Variants in CD80 observed in about 807,000 individuals in gnomAD.
CD80 encodes CD80 molecule, also known as T-lymphocyte activation antigen CD80.
Under a neutral mutation model 27.1 loss-of-function variants are expected in CD80, and 13 were observed. The observed-to-expected ratio is 0.48, with a 90% CI of 0.31 to 0.76. The LOEUF (loss-of-function observed/expected upper bound fraction) is 0.76, where lower values mean the gene tolerates loss of function less well. CD80 is among the 30% of genes least tolerant of loss of function. The pLI is 0.04. For missense variants in CD80, 277 were observed against 347.9 expected (o/e 0.80, Z 1.62); for synonymous variants, 125 against 125.5 (o/e 1.00, Z 0.03).
intron 6 of CD80, 177 bp downstream of exon 6, chr3:119,527,556 C>A: frequency 2.0e-6 from 1 of 499,614 alleles, no homozygotes. Context: ...TTACATTAAG[C>A]AAATTGCATA....
chr3:119,538,972 C>T (rs764864020), intron 3 of CD80, among the ~76,000 whole-genome samples: 6 of 152,106 alleles, frequency 3.9e-5, no homozygotes, highest in Non-Finnish European at 4.4e-5. Context: ...CACCCATGAC[C>T]AGTATTTTTT....
chr3:119,527,378 CCCAACCCATGT>C (rs2082072806), intron 6 of CD80: 1 of 177,078 alleles, frequency 5.6e-6, no homozygotes, highest in Non-Finnish European at 1.2e-5. Context: ...ACAAAGTGAC[CCCAACCCATGT>C]CCATCAATAC....
intron 4 of CD80, among the ~76,000 whole-genome samples, chr3:119,533,467 C>A (rs1199914790): frequency 6.6e-6 from 1 of 151,816 alleles, no homozygotes; most frequent in Admixed American, 6.6e-5. Context: ...TGTCCCCACC[C>A]AAATCTCATC....
In CD80 at chr3:119,557,792, C is replaced by T; in HGVS notation, c.-64G>A. 8.6e-7 allele frequency: 1 copy of T among 1,166,578 alleles called. No homozygotes were observed. The highest frequency in any genetic ancestry group is 1.2e-6 in the Non-Finnish European group (1 of 809,304). 72.3% of individuals were successfully genotyped at this position (1,166,578 alleles called of 1,614,324 possible). ...TTTGGACCCAAGTAAGACCAGGGCA[C>T]TTCCCAGGTGCAAAACAGGCAGGGC... On this transcript the variant is annotated 5_prime_UTR_variant, in exon 2 of 7. The change creates a new upstream start codon in the 5' untranslated region. Transcript: ENST00000264246.
chr3:119,543,427 C>T (rs1391833308), intron 3 of CD80, among the ~76,000 whole-genome samples: 3 of 150,836 alleles, frequency 2.0e-5, no homozygotes, highest in Non-Finnish European at 4.4e-5. Flanking sequence ...AGAGTCTCTA[C>T]CAGTAGGGAA....
chr3:119,534,531 ATCTGGCTCTAT>A (rs1316211425), intron 4 of CD80, among the ~76,000 whole-genome samples: 1 of 152,200 alleles, frequency 6.6e-6, no homozygotes, highest in Non-Finnish European at 1.5e-5. Context: ...AATATTTACT[ATCTGGCTCTAT>A]TCAGAAAAAA....
At chr3:119,551,247 C>T (rs1322395364) in intron 2 of CD80, among the ~76,000 whole-genome samples, 1 of 152,198 alleles carries the variant, frequency 6.6e-6, no homozygotes, top group Non-Finnish European at 1.5e-5. Flanking sequence ...TGGGTAACCT[C>T]TCTGGGCTTC....
intron 3 of CD80, among the ~76,000 whole-genome samples, chr3:119,542,378 A>C (rs1250680827): frequency 1.3e-5 from 2 of 152,286 alleles, no homozygotes; most frequent in East Asian, 1.9e-4. Flanking sequence ...AAGAACAGTA[A>C]GGAATTCACT....
chr3:119,535,756 C>T (rs985383273), intron 4 of CD80, among the ~76,000 whole-genome samples: 11 of 152,090 alleles, frequency 7.2e-5, no homozygotes. Flanking sequence ...TCTTAAAAAG[C>T]ACATTCGCCC....
At chr3:119,545,820 T>C (rs963458222) in intron 2 of CD80, among the ~76,000 whole-genome samples, 7 of 152,222 alleles carry the variant, frequency 4.6e-5, no homozygotes, top group Admixed American at 4.6e-4. Context: ...TGTGCTGCTA[T>C]GAACATGGGT....
At chr3:119,549,067 A>C (rs986689063) in intron 2 of CD80, among the ~76,000 whole-genome samples, 4 of 152,064 alleles carry the variant, frequency 2.6e-5, no homozygotes, top group Admixed American at 2.0e-4. Flanking sequence ...TAAATAAGAA[A>C]CAGAGTCCCT....
intron 2 of CD80, among the ~76,000 whole-genome samples, chr3:119,550,106 A>G (rs1022970810): frequency 1.3e-5 from 2 of 151,952 alleles, no homozygotes; most frequent in Admixed American, 6.6e-5. Flanking sequence ...AAGAGTTTCC[A>G]TTTTTCTTTC....
intron 2 of CD80, among the ~76,000 whole-genome samples, chr3:119,555,142 C>T (rs2082256117): frequency 6.6e-6 from 1 of 152,114 alleles, no homozygotes; most frequent in South Asian, 2.1e-4. Flanking sequence ...TTAGGTTCAT[C>T]GAAAAATTGA....
At chr3:119,537,080 C>A (rs2082143266) in intron 4 of CD80, 57 bp downstream of exon 4, 2 of 1,439,260 alleles carry the variant, frequency 1.4e-6, no homozygotes, top group East Asian at 2.3e-5. Context: ...AATGACACGA[C>A]TATATTGTCT....
chr3:119,542,766 C>G (rs1218176108), intron 3 of CD80, among the ~76,000 whole-genome samples: 1 of 152,152 alleles, frequency 6.6e-6, no homozygotes, highest in Non-Finnish European at 1.5e-5. Flanking sequence ...CAGCCCTTTC[C>G]CAAAGCAGAC....
chr3:119,536,123 C>T (rs1020147200), intron 4 of CD80, among the ~76,000 whole-genome samples: 25 of 151,784 alleles, frequency 1.6e-4, no homozygotes, highest in African/African-American at 5.3e-4. Flanking sequence ...TGGTGGCTGG[C>T]GCCTGTAATC....
intron 2 of CD80, among the ~76,000 whole-genome samples, chr3:119,550,122 C>T (rs2082223518): frequency 6.6e-6 from 1 of 152,214 alleles, no homozygotes; most frequent in African/African-American, 2.4e-5. Context: ...CTTTCTCCCT[C>T]CTCCCACTGC....
rs1038094398 is a variant in CD80 at position 119,559,581 on chromosome 3, C to A, written c.-342G>T. 7.9e-5 allele frequency: 12 copies of A among 152,302 alleles called. No individual in the cohort carries two copies. The highest frequency in any genetic ancestry group is 2.9e-4 in the African/African-American group (12 of 41,552). 9.4% of individuals were successfully genotyped at this position (152,302 alleles called of 1,614,324 possible). On this transcript the variant is annotated 5_prime_UTR_variant, in exon 1 of 7. Transcript: ENST00000264246. Reference sequence around the variant, plus strand: ...GGTAATCTTCAGAGAGGCGACATTTCCCCTTCTAACTTCTGTTACTTTACA... The same window carrying A: ...GGTAATCTTCAGAGAGGCGACATTTACCCTTCTAACTTCTGTTACTTTACA...
At chr3:119,542,996 C>T (rs2082178812) in intron 3 of CD80, among the ~76,000 whole-genome samples, 1 of 152,154 alleles carries the variant, frequency 6.6e-6, no homozygotes, top group African/African-American at 2.4e-5. Context: ...CTTGTGGCCC[C>T]CCAACCCAGT....
Sources: allele counts gnomAD v4.1 joint callset (sites outside exome capture counted in the v4.1 genomes callset), GRCh38; gene constraint gnomAD v4.1.1; transcripts MANE v1.5; gene names NCBI Gene and HGNC (gene_info 2026-07-23, HGNC 2026-07-21).